Variants in NRXN1 observed in about 807,000 individuals in gnomAD.
The protein encoded by NRXN1 is neurexin-1.
NRXN1 carries 39 observed loss-of-function variants against 150.9 expected under a neutral mutation model. The ratio of observed to expected loss-of-function variants is 0.26; its 90% CI spans 0.20 to 0.34. NRXN1 has a LOEUF of 0.34. NRXN1 is among the 10% of genes least tolerant of loss of function. NRXN1 has a pLI of 1.00. For synonymous variants in NRXN1, 924 were observed against 757.0 expected (o/e 1.22, Z -3.62); for missense variants, 1,815 against 1,949.9 (o/e 0.93, Z 1.30).
chr2:50,501,761 G>C (rs1054849857), intron 13 of NRXN1, among the ~76,000 whole-genome samples: 2 of 152,066 alleles, frequency 1.3e-5, no homozygotes, highest in Admixed American at 1.3e-4. Flanking sequence ...CTATGACCTA[G>C]GAAATCTCCT....
At chr2:50,289,506 A>G (rs187258530) in intron 17 of NRXN1, among the ~76,000 whole-genome samples, 1 of 152,264 alleles carries the variant, frequency 6.6e-6, no homozygotes, top group East Asian at 1.9e-4. Flanking sequence ...CTGACAGAAA[A>G]GGTACCTTAA....
At chr2:50,607,561 T>C (rs910171968) in intron 8 of NRXN1, among the ~76,000 whole-genome samples, 9 of 152,074 alleles carry the variant, frequency 5.9e-5, no homozygotes, top group African/African-American at 2.2e-4. Context: ...AGTTAGCAAA[T>C]TGTGGTAAGG....
rs1008447166 is a variant in NRXN1 at position 50,773,801 on chromosome 2, A to G, written c.832+148068T>C. On this transcript the variant is annotated intron_variant, in intron 5 of 22. Transcript: ENST00000401669. The stretch of plus-strand genomic sequence containing the variant: ...GGTGTGCTGGCAGAAGCGAAGGACA[A>G]GGTTGAGTCTCCATGGCCCTGAGCT... 2.6e-5 allele frequency among the ~76,000 whole-genome samples: 4 copies of G among 152,136 alleles called. 1 individual carries two copies. Among genetic ancestry groups the G allele is most frequent in the Non-Finnish European group, 5.9e-5 (4 of 68,020 alleles).
intron 2 of NRXN1, among the ~76,000 whole-genome samples, chr2:50,996,883 G>T (rs957660477): frequency 2.0e-5 from 3 of 151,996 alleles, no homozygotes; most frequent in Non-Finnish European, 4.4e-5. Context: ...CATCAAACTC[G>T]TGAGGGGGGA....
At position 50,996,228 on chromosome 2, in the gene NRXN1, C is replaced by A. The variant is rs111444602; in HGVS notation, c.772+31274G>T. 3.3e-5 allele frequency among the ~76,000 whole-genome samples: 5 copies of A among 152,050 alleles called. 1 individual carries two copies. Among genetic ancestry groups the A allele is most frequent in the African/African-American group, 1.2e-4 (5 of 41,506 alleles). ...AAGGGAGGTGGTAATTATTTTAATCCGTATTTTTGTGGCACAATGCCACAA... is the reference window on the plus strand; with the variant it reads ...AAGGGAGGTGGTAATTATTTTAATCAGTATTTTTGTGGCACAATGCCACAA... On this transcript the variant is annotated intron_variant, in intron 2 of 22. Coordinates refer to ENST00000401669, the MANE Select transcript of NRXN1 (RefSeq NM_001330078.2).
intron 2 of NRXN1, among the ~76,000 whole-genome samples, chr2:51,016,562 T>C (rs1454261789): frequency 3.9e-5 from 6 of 152,142 alleles, no homozygotes; most frequent in African/African-American, 9.7e-5. Flanking sequence ...AGATACCATG[T>C]CATAGCAGTT....
At chr2:50,012,049 T>C (rs1305368853) in intron 21 of NRXN1, among the ~76,000 whole-genome samples, 1 of 152,004 alleles carries the variant, frequency 6.6e-6, no homozygotes, top group Non-Finnish European at 1.5e-5. Context: ...GGCAGAGAAA[T>C]AAAAGTTAGC....
At chr2:50,059,295 T>A (rs929906189) in intron 19 of NRXN1, among the ~76,000 whole-genome samples, 1 of 152,164 alleles carries the variant, frequency 6.6e-6, no homozygotes, top group African/African-American at 2.4e-5. Context: ...ACATTGAACT[T>A]GAGAGAGATG....
At chr2:50,077,986 C>T (rs1697351561) in intron 19 of NRXN1, among the ~76,000 whole-genome samples, 1 of 152,020 alleles carries the variant, frequency 6.6e-6, no homozygotes, top group Admixed American at 6.6e-5. Context: ...GTTTAAAAGT[C>T]TGTCTTTGAG....
chr2:50,365,335 A>G (rs2079511767), intron 17 of NRXN1, among the ~76,000 whole-genome samples: 1 of 152,116 alleles, frequency 6.6e-6, no homozygotes, highest in Non-Finnish European at 1.5e-5. Flanking sequence ...ATCCTAATCA[A>G]TTTTAAATGC....
chr2:50,733,783 C>T (rs1478340059), intron 5 of NRXN1, among the ~76,000 whole-genome samples: 1 of 152,112 alleles, frequency 6.6e-6, no homozygotes, highest in Non-Finnish European at 1.5e-5. Flanking sequence ...AAAAAGTTTA[C>T]TCAATGGTTT....
intron 19 of NRXN1, 29 bp downstream of exon 19, chr2:50,091,294 C>A: frequency 6.2e-7 from 1 of 1,613,290 alleles, no homozygotes; most frequent in South Asian, 1.1e-5. Flanking sequence ...TTCATAAAAT[C>A]TTCCCCCGAT....
intron 5 of NRXN1, among the ~76,000 whole-genome samples, chr2:50,846,833 C>CAT (rs1366825393): frequency 1.3e-5 from 2 of 152,082 alleles, no homozygotes; most frequent in Non-Finnish European, 2.9e-5. Flanking sequence ...AAGAGAAAAG[C>CAT]ATATAAATTT....
intron 5 of NRXN1, among the ~76,000 whole-genome samples, chr2:50,802,957 C>T (rs1262276092): frequency 6.6e-6 from 1 of 152,098 alleles, no homozygotes; most frequent in Non-Finnish European, 1.5e-5. Flanking sequence ...GTGACCCTGC[C>T]AACATCTTGA....
chr2:50,103,279 C>T (rs899561092), intron 18 of NRXN1, among the ~76,000 whole-genome samples: 2 of 152,164 alleles, frequency 1.3e-5, no homozygotes, highest in Admixed American at 1.3e-4. Flanking sequence ...GTCTTGTTAA[C>T]TTATTTATCC....
At chr2:50,434,150 C>T (rs2085227266) in intron 17 of NRXN1, among the ~76,000 whole-genome samples, 1 of 150,026 alleles carries the variant, frequency 6.7e-6, no homozygotes, top group African/African-American at 2.5e-5. Context: ...AGCTCCGCCT[C>T]CCGGGTTCGC....
At chr2:50,992,751 A>G (rs2105003598) in intron 2 of NRXN1, among the ~76,000 whole-genome samples, 1 of 152,116 alleles carries the variant, frequency 6.6e-6, no homozygotes, top group African/African-American at 2.4e-5. Flanking sequence ...TCTTTTTTTC[A>G]CATGGCCTGG....
At chr2:50,215,143 T>C (rs1265990371) in intron 18 of NRXN1, among the ~76,000 whole-genome samples, 1 of 152,042 alleles carries the variant, frequency 6.6e-6, no homozygotes, top group Non-Finnish European at 1.5e-5. Context: ...CTTTACGTTT[T>C]CTTATAATGG....
chr2:50,693,771 T>C (rs1217282381), intron 5 of NRXN1, among the ~76,000 whole-genome samples: 1 of 152,156 alleles, frequency 6.6e-6, no homozygotes, highest in Non-Finnish European at 1.5e-5. Flanking sequence ...GTATACTTCA[T>C]AGCATTTAAT....
Sources: gnomAD v4.1 joint callset for allele counts (sites outside exome capture counted in the v4.1 genomes callset) on GRCh38, gnomAD v4.1.1 for gene constraint, MANE v1.5 for transcripts, NCBI Gene and HGNC (gene_info 2026-07-23, HGNC 2026-07-21) for gene names.